The following BNIP2 variants were observed in gnomAD, a reference collection of about 807,000 sequenced individuals.
The protein encoded by BNIP2 is BCL2 interacting protein 2.
In BNIP2, 36 loss-of-function variants were observed where a neutral mutation model predicts 43.4. The ratio of observed to expected loss-of-function variants is 0.83; its 90% CI spans 0.64 to 1.10. The LOEUF (loss-of-function observed/expected upper bound fraction) is 1.10. BNIP2 is among the 50% of genes least tolerant of loss of function. The pLI is 0.00. For synonymous variants in BNIP2, 146 were observed against 121.0 expected (o/e 1.21, Z -1.35); for missense variants, 417 against 374.1 (o/e 1.11, Z -0.95).
chr15:59,679,507 A>G, intron 4 of BNIP2, 85 bp downstream of exon 4: 1 of 1,382,072 alleles, frequency 7.2e-7, no homozygotes, highest in Non-Finnish European at 9.8e-7. Context: ...TAACAAATAT[A>G]TGAACTTTAG....
chr15:59,668,545 C>A lies in BNIP2; in HGVS notation c.893+347G>T, dbSNP rs556880060. ...TAATAATATTGATGATCAGTTTACT[C>A]AAATTTGTTGAGCACTATGTTCAAG... On this transcript the variant is annotated intron_variant, in intron 9 of 9. Transcript: ENST00000607373. 2.7e-4 allele frequency among the ~76,000 whole-genome samples: 41 copies of A among 152,282 alleles called. No individual in the cohort carries two copies. In the South Asian group the frequency reaches 4.6e-3, roughly 17 times the overall value.
chr15:59,673,324 C>G (rs1054053608), intron 5 of BNIP2, among the ~76,000 whole-genome samples: 1 of 151,968 alleles, frequency 6.6e-6, no homozygotes, highest in Admixed American at 6.6e-5. Flanking sequence ...CTAAGTTGGC[C>G]AGACTGGTCT....
chr15:59,674,055 A>G (rs1893105073), intron 5 of BNIP2, among the ~76,000 whole-genome samples: 2 of 144,316 alleles, frequency 1.4e-5, no homozygotes, highest in African/African-American at 5.1e-5. Flanking sequence ...GCACCACTGC[A>G]CTCCAGCCTG....
intron 5 of BNIP2, among the ~76,000 whole-genome samples, chr15:59,674,243 C>T (rs1893125692): frequency 6.7e-6 from 1 of 150,082 alleles, no homozygotes; most frequent in African/African-American, 2.5e-5. Context: ...CTGCTTTAAC[C>T]TTCATTTCTA....
chr15:59,672,382 T>A (rs1293890920), intron 6 of BNIP2: 1 of 286,788 alleles, frequency 3.5e-6, no homozygotes, highest in Non-Finnish European at 6.6e-6. Context: ...CAGGTGATAC[T>A]TCCACCTCAG....
chr15:59,687,676 T>C (rs1228784145), intron 1 of BNIP2, among the ~76,000 whole-genome samples: 1 of 152,156 alleles, frequency 6.6e-6, no homozygotes, highest in Non-Finnish European at 1.5e-5. Flanking sequence ...GGTAACTTAC[T>C]AGATCTGGTT....
chr15:59,676,115 A>C (rs1170756158), intron 5 of BNIP2, among the ~76,000 whole-genome samples: 4 of 152,196 alleles, frequency 2.6e-5, no homozygotes, highest in Admixed American at 6.5e-5. Flanking sequence ...CACTGTTTAT[A>C]AATTAGGGAG....
At chr15:59,682,326 C>CA (rs745470499) in intron 2 of BNIP2, 82 bp downstream of exon 2, 110,774 of 990,998 alleles carry the variant, frequency 0.11, 6 homozygotes, top group Non-Finnish European at 0.12. Flanking sequence ...GACTCCGTCT[C>CA]AAAAAAAAAA....
chr15:59,687,436 C>G (rs1439890599), intron 1 of BNIP2, among the ~76,000 whole-genome samples: 2 of 151,716 alleles, frequency 1.3e-5, no homozygotes, highest in Middle Eastern at 3.4e-3. Context: ...GCTACAACCT[C>G]CACCTCCCAG....
intron 1 of BNIP2, among the ~76,000 whole-genome samples, chr15:59,683,822 G>GA (rs1436618734): frequency 1.1e-4 from 17 of 152,282 alleles, no homozygotes; most frequent in African/African-American, 3.4e-4. Context: ...AGTAGCAGAG[G>GA]AAAGAGGGTG....
At position 59,660,441 on chromosome 15, in the gene BNIP2, G is replaced by A. The variant is rs1260529601; in HGVS notation, c.*3628C>T. On this transcript the variant is annotated 3_prime_UTR_variant, in exon 10 of 10. Transcript: ENST00000607373. ...TGGAAAAAGGAAGGATGAACCTACC[G>A]TAACATCTCTACCAATCTCATCAGG... is the stretch of plus-strand genomic sequence containing the variant. 4 of 152,146 alleles carry A rather than the reference G, an allele frequency of 2.6e-5. No homozygotes were observed. The South Asian group carries it at 6.2e-4, about 24-fold the overall frequency. 9.4% of individuals were successfully genotyped at this position (152,146 alleles called of 1,614,324 possible).
chr15:59,671,733 T>C (rs558521229), intron 6 of BNIP2, among the ~76,000 whole-genome samples: 50 of 152,334 alleles, frequency 3.3e-4, no homozygotes, highest in African/African-American at 1.2e-3. Context: ...CTCAATTATA[T>C]TGGCCTTCTA....
chr15:59,673,318 G>A (rs1880079563), intron 5 of BNIP2, among the ~76,000 whole-genome samples: 1 of 151,644 alleles, frequency 6.6e-6, no homozygotes, highest in African/African-American at 2.4e-5. Context: ...GTTTCACTAA[G>A]TTGGCCAGAC....
intron 9 of BNIP2, among the ~76,000 whole-genome samples, chr15:59,664,941 A>C (rs891926467): frequency 1.3e-5 from 2 of 152,202 alleles, no homozygotes; most frequent in African/African-American, 4.8e-5. Context: ...GAATGCCTTA[A>C]ATTTGTTTTG....
At chr15:59,685,538 T>C (rs1239312676) in intron 1 of BNIP2, among the ~76,000 whole-genome samples, 1 of 152,040 alleles carries the variant, frequency 6.6e-6, no homozygotes, top group Non-Finnish European at 1.5e-5. Flanking sequence ...AAAAACTAAA[T>C]AGCTCCTCGA....
chr15:59,679,636 C>T lies in BNIP2; in HGVS notation c.251G>A (p.Gly84Asp), dbSNP rs753399585. ...ACTATTCTCTGACGGTGTGTCTAAGCCATCTAAGTCAATCTCCCCACTTTC... is the reference window on the plus strand; with the variant it reads ...ACTATTCTCTGACGGTGTGTCTAAGTCATCTAAGTCAATCTCCCCACTTTC... ...LDESGEIDLD[G>D]LDTPSENSNE... The change falls in exon 4 of 10, where the codon GGC becomes GAC. Residue 84 changes from glycine (G) to aspartate (D), a missense_variant. By Grantham distance (94) the Gly-to-Asp change is moderately conservative (BLOSUM62 -1). Transcript: ENST00000607373. 1.9e-6 allele frequency: 3 copies of T among 1,613,228 alleles called. No individual in the cohort carries two copies. Among genetic ancestry groups the T allele is most frequent in the South Asian group, 2.2e-5 (2 of 90,988 alleles).
At position 59,678,003 on chromosome 15, in the gene BNIP2, C is replaced by T; in HGVS notation, c.380G>A (p.Gly127Glu). The part of the protein sequence containing the change: ...EYTAAEEKED[G>E]RRWRMFRIGE... Reference sequence around the variant, plus strand: ...AATCCTGAACATACGCCAGCGTCGTCCATCTTCTTTTTCCTCTGCTGCTGT... The same window carrying T: ...AATCCTGAACATACGCCAGCGTCGTTCATCTTCTTTTTCCTCTGCTGCTGT... Residue 127 changes from glycine to glutamate, a missense_variant, in exon 5 of 10, where the codon GGA becomes GAA. Gly to Glu is a moderately conservative substitution (Grantham distance 98). Transcript: ENST00000607373. The T allele has an allele frequency of 6.2e-7, 1 of 1,613,972 alleles. No individual in the cohort carries two copies. The highest frequency in any genetic ancestry group is 8.5e-7 in the Non-Finnish European group (1 of 1,179,864).
intron 9 of BNIP2, among the ~76,000 whole-genome samples, chr15:59,665,618 A>G (rs1768429637): frequency 6.6e-6 from 1 of 152,142 alleles, no homozygotes; most frequent in South Asian, 2.1e-4. Flanking sequence ...TCAAAAAAAC[A>G]AAACAAAAAC....
At chr15:59,676,739 C>T (rs949782081) in intron 5 of BNIP2, 8 of 1,298,928 alleles carry the variant, frequency 6.2e-6, no homozygotes, top group East Asian at 5.0e-5. Context: ...GCGGTGCGGG[C>T]GGCAGAGTTG....
Sources: gnomAD v4.1 joint callset for allele counts (sites outside exome capture counted in the v4.1 genomes callset) on GRCh38, gnomAD v4.1.1 for gene constraint, MANE v1.5 for transcripts, NCBI Gene and HGNC (gene_info 2026-07-23, HGNC 2026-07-21) for gene names.